The following MYCBP2 variants were observed in gnomAD, a reference collection of about 807,000 sequenced individuals.
MYCBP2 encodes E3 ubiquitin-protein ligase MYCBP2.
Under a neutral mutation model 525.3 loss-of-function variants are expected in MYCBP2, and 120 were observed. The observed-to-expected ratio is 0.23, with a 90% CI of 0.20 to 0.27. The LOEUF (loss-of-function observed/expected upper bound fraction) is 0.27, where lower values mean the gene tolerates loss of function less well. MYCBP2 is among the 10% of genes least tolerant of loss of function. MYCBP2 has a pLI of 1.00. For missense variants in MYCBP2, 4,149 were observed against 5,657.1 expected (o/e 0.73, Z 8.55); for synonymous variants, 1,894 against 1,955.8 (o/e 0.97, Z 0.83).
chr13:77,180,109 C>A lies in MYCBP2; in HGVS notation c.5133+18G>T. 2 of 1,583,450 alleles carry A rather than the reference C, an allele frequency of 1.3e-6. No individual in the cohort carries two copies. The highest frequency in any genetic ancestry group is 1.2e-5 in the South Asian group (1 of 86,694). On this transcript the variant is annotated intron_variant, in intron 34 of 82. Coordinates refer to ENST00000544440, the MANE Select transcript of MYCBP2 (RefSeq NM_015057.5). The stretch of plus-strand genomic sequence containing the variant: ...TACACATGTGCTTTTTATCCAGTGT[C>A]AAAATATAATGTATTACCTCAGATC...
At chr13:77,061,879 ACCG>A in intron 74 of MYCBP2, 89 bp from the exon 75 acceptor site, 1 of 1,308,576 alleles carries the variant, frequency 7.6e-7, no homozygotes, top group African/African-American at 1.5e-5. Flanking sequence ...ACAAAAATAA[ACCG>A]TTATTCGGAA....
At position 77,059,225 on chromosome 13, in the gene MYCBP2, T is replaced by C. The variant is rs920585528; in HGVS notation, c.13140+298A>G. Reference sequence around the variant, plus strand: ...GTATTTTAAGGAAATAAGTGAATAATGTCTGTAAGAGATAAAGGAAATACA... The same window carrying C: ...GTATTTTAAGGAAATAAGTGAATAACGTCTGTAAGAGATAAAGGAAATACA... On this transcript the variant is annotated intron_variant, in intron 77 of 82. Coordinates refer to ENST00000544440, the MANE Select transcript of MYCBP2 (RefSeq NM_015057.5). Among the ~76,000 whole-genome samples the C allele has an allele frequency of 4.6e-5, 7 of 152,162 alleles. No homozygotes were observed. In the East Asian group the frequency reaches 1.3e-3, roughly 29 times the overall value.
chr13:77,276,461 T>A (rs1487408053), intron 4 of MYCBP2, among the ~76,000 whole-genome samples: 4 of 152,026 alleles, frequency 2.6e-5, no homozygotes, highest in Non-Finnish European at 5.9e-5. Context: ...TTTGAGCTAA[T>A]TTAACAAAAT....
At chr13:77,217,034 T>G (rs911355337) in intron 21 of MYCBP2, among the ~76,000 whole-genome samples, 5 of 152,224 alleles carry the variant, frequency 3.3e-5, no homozygotes, top group African/African-American at 1.2e-4. Flanking sequence ...TGGATCAAAA[T>G]GTTAACAATA....
chr13:77,319,597 A>C (rs558451962), intron 1 of MYCBP2, among the ~76,000 whole-genome samples: 9 of 152,166 alleles, frequency 5.9e-5, no homozygotes, highest in Admixed American at 1.3e-4. Context: ...CAATCTATCA[A>C]TGTTATTTAC....
chr13:77,136,339 C>A (rs1566663354), intron 52 of MYCBP2, among the ~76,000 whole-genome samples: 1 of 152,156 alleles, frequency 6.6e-6, no homozygotes, highest in East Asian at 1.9e-4. Flanking sequence ...TACTTTATTG[C>A]CTGCATTTTT....
intron 59 of MYCBP2, among the ~76,000 whole-genome samples, chr13:77,091,189 A>T (rs530600398): frequency 1.3e-5 from 2 of 152,210 alleles, no homozygotes; most frequent in South Asian, 4.1e-4. Flanking sequence ...CACTTCTCTA[A>T]GCTTATGTAC....
intron 8 of MYCBP2, among the ~76,000 whole-genome samples, chr13:77,266,746 G>GAAAAAAAAAAA (rs56408804): frequency 3.4e-5 from 3 of 89,410 alleles, no homozygotes; most frequent in Admixed American, 1.2e-4. Context: ...GACTTGTAAT[G>GAAAAAAAAAAA]AAAAAAAAAA....
Position 77,144,513 on chromosome 13 carries a change from C to T in MYCBP2, c.7235G>A (p.Cys2412Tyr). 1 of 1,613,814 alleles carries T rather than the reference C, an allele frequency of 6.2e-7. No homozygotes were observed. Among genetic ancestry groups the T allele is most frequent in the Non-Finnish European group, 8.5e-7 (1 of 1,179,800 alleles). ...LIRVNNDGTY[C>Y]ANWTPGAIGL... is the part of the protein sequence containing the mutation. ...AATAGCCCCTGGAGTCCAATTTGCA[C>T]AATAAGTCCCATCATTATTGACACG... The change falls in exon 49 of 83, where the codon TGT (cysteine) becomes TAT (tyrosine). Residue 2412 changes from cysteine (C) to tyrosine (Y), a missense_variant. By Grantham distance (194) the Cys-to-Tyr change is radical. Around this residue, in one of 21 missense-constraint regions of MYCBP2, gnomAD observed 692 missense variants for 852.7 expected, o/e 0.81. Coordinates refer to ENST00000544440, the MANE Select transcript of MYCBP2 (RefSeq NM_015057.5).
In MYCBP2 at chr13:77,130,726, G is replaced by A. The variant is rs188792689; in HGVS notation, c.7660-4184C>T. On this transcript the variant is annotated intron_variant, in intron 52 of 82. Transcript: ENST00000544440. ...AATTTGTAGAGTACTTGGTCAATGG[G>A]TTTTTCTCCCTTACAAAGCATAGTG... Among the ~76,000 whole-genome samples, 254 of 152,170 alleles carry A rather than the reference G, an allele frequency of 1.7e-3. 4 individuals carry two copies. Among genetic ancestry groups the A allele is most frequent in the African/African-American group, 5.4e-3 (225 of 41,520 alleles).
chr13:77,045,374 T>A lies in MYCBP2; in HGVS notation c.*4A>T, dbSNP rs1211671486. 6.2e-7 allele frequency: 1 copy of A among 1,606,738 alleles called. No homozygotes were observed. Among genetic ancestry groups the A allele is most frequent in the South Asian group, 1.1e-5 (1 of 90,446 alleles). The stretch of plus-strand genomic sequence containing the variant: ...TCTCTCTGTAGACAAAGGATCTGCG[T>A]GTTCTAAAAAGTGTGGGCATTTCTG... On this transcript the variant is annotated 3_prime_UTR_variant, in exon 83 of 83. Transcript: ENST00000544440.
intron 23 of MYCBP2, among the ~76,000 whole-genome samples, 192 bp from the exon 24 acceptor site, chr13:77,207,017 AAATAGTAACGTAGATTAT>A (rs2063426948): frequency 6.6e-6 from 1 of 152,338 alleles, no homozygotes; most frequent in African/African-American, 2.4e-5. Flanking sequence ...AATAATTTGA[AAATAGTAACGTAGATTAT>A]AATACTTAAT....
At chr13:77,290,192 G>A in intron 2 of MYCBP2, among the ~76,000 whole-genome samples, 1 of 152,158 alleles carries the variant, frequency 6.6e-6, no homozygotes, top group East Asian at 1.9e-4. Context: ...ACACCTATCA[G>A]AATGGCTAAA....
At chr13:77,075,354 TAA>T (rs1304670866) in intron 68 of MYCBP2, among the ~76,000 whole-genome samples, 2 of 152,190 alleles carry the variant, frequency 1.3e-5, no homozygotes, top group Non-Finnish European at 2.9e-5. Context: ...AAGATTCTCT[TAA>T]AAATCATGTT....
intron 47 of MYCBP2, 152 bp downstream of exon 47, chr13:77,150,582 T>G (rs1806993352): frequency 3.1e-6 from 2 of 654,282 alleles, no homozygotes; most frequent in Admixed American, 5.5e-5. Flanking sequence ...GAAGACAGGA[T>G]AACATCATCT....
rs536532319 is a variant in MYCBP2, at chr13:77,130,732, C to T, written c.7660-4190G>A. ...TAGAGTACTTGGTCAATGGGTTTTT[C>T]TCCCTTACAAAGCATAGTGGGACAG... On this transcript the variant is annotated intron_variant, in intron 52 of 82. Transcript: ENST00000544440. Among the ~76,000 whole-genome samples, 79 of 152,260 alleles carry T rather than the reference C, an allele frequency of 5.2e-4. 1 individual carries two copies. The highest frequency in any genetic ancestry group is 1.9e-3 in the African/African-American group (79 of 41,568).
intron 58 of MYCBP2, 34 bp from the exon 59 acceptor site, chr13:77,093,366 G>T (rs2045738121): frequency 2.5e-6 from 4 of 1,592,610 alleles, no homozygotes; most frequent in South Asian, 1.1e-5. Context: ...CTTAAAGCAT[G>T]ATGGCAATAC....
chr13:77,081,124 A>G lies in MYCBP2; in HGVS notation c.11418+303T>C. The stretch of plus-strand genomic sequence containing the variant: ...AGCAGAGTTTAAGGGGAGGACTTCC[A>G]GGTCACGGGAAAATCTTAACCAAGG... On this transcript the variant is annotated intron_variant, in intron 65 of 82. Coordinates refer to ENST00000544440, the MANE Select transcript of MYCBP2 (RefSeq NM_015057.5). The surrounding 1 kb of genome is among the most constrained non-coding windows in gnomAD (Gnocchi z 4.6). The G allele has an allele frequency of 3.5e-6, 1 of 284,028 alleles. No homozygotes were observed. Among genetic ancestry groups the G allele is most frequent in the Non-Finnish European group, 6.5e-6 (1 of 152,860 alleles). The allele number at this position is 284,028 out of a possible 1,614,324, so 17.6% of individuals were successfully genotyped here. A position where few individuals can be genotyped will look rare whatever the true frequency, so the allele number is the denominator to read the frequency against.
At chr13:77,283,681 G>C (rs1198416996) in intron 3 of MYCBP2, among the ~76,000 whole-genome samples, 1 of 152,138 alleles carries the variant, frequency 6.6e-6, no homozygotes, top group Non-Finnish European at 1.5e-5. Flanking sequence ...CAGACTGCTT[G>C]AGCTCAAGAG....
Sources: gnomAD v4.1 joint callset for allele counts (sites outside exome capture counted in the v4.1 genomes callset) on GRCh38, gnomAD v4.1.1 for gene constraint, gnomAD v4.1.1 regional missense constraint, Gnocchi (gnomAD v3.1) non-coding constraint, MANE v1.5 for transcripts, NCBI Gene and HGNC (gene_info 2026-07-23, HGNC 2026-07-21) for gene names.